B3GALT1: variants seen among roughly 807,000 people sequenced by gnomAD.
B3GALT1 encodes the protein UDP-Gal:betaGlcNAc beta 1,3-galactosyltransferase, polypeptide 1.
Under a neutral mutation model 23.2 loss-of-function variants are expected in B3GALT1, and 10 were observed. The ratio of observed to expected loss-of-function variants is 0.43; its 90% CI spans 0.27 to 0.73. The LOEUF (loss-of-function observed/expected upper bound fraction) is 0.73, where lower values mean the gene tolerates loss of function less well. Ranked by LOEUF, B3GALT1 falls within the 30% of genes least tolerant of loss-of-function variation. B3GALT1 has a pLI of 0.21. For missense variants in B3GALT1, 299 were observed against 405.4 expected (o/e 0.74, Z 2.25); for synonymous variants, 156 against 141.5 (o/e 1.10, Z -0.73).
intron 1 of B3GALT1, among the ~76,000 whole-genome samples, chr2:167,413,861 C>T (rs1320614496): frequency 6.6e-6 from 1 of 151,808 alleles, no homozygotes; most frequent in Admixed American, 6.6e-5. Flanking sequence ...TCTTGGAATA[C>T]TTAAAGTTTT....
chr2:167,306,158 T>C (rs1696549182), intron 1 of B3GALT1, among the ~76,000 whole-genome samples: 1 of 152,062 alleles, frequency 6.6e-6, no homozygotes, highest in Non-Finnish European at 1.5e-5. Context: ...GAATGTATTA[T>C]GTATAATAAA....
At chr2:167,519,853 C>T (rs897709030) in intron 2 of B3GALT1, among the ~76,000 whole-genome samples, 1 of 151,978 alleles carries the variant, frequency 6.6e-6, no homozygotes, top group East Asian at 1.9e-4. Flanking sequence ...AGGTAGATCA[C>T]TTAAGGTTAA....
At chr2:167,312,442 T>C (rs576106250) in intron 1 of B3GALT1, among the ~76,000 whole-genome samples, 1 of 151,862 alleles carries the variant, frequency 6.6e-6, no homozygotes, top group East Asian at 1.9e-4. Context: ...TTAGAGTAAA[T>C]CTAAGGGAGC....
intron 3 of B3GALT1, among the ~76,000 whole-genome samples, chr2:167,797,135 T>A (rs2105336187): frequency 6.6e-6 from 1 of 152,188 alleles, no homozygotes; most frequent in Middle Eastern, 3.4e-3. Context: ...CCTCTTCCTA[T>A]CCCCCAACAG....
In B3GALT1 at chr2:167,810,547, G is replaced by A. The variant is rs528940771; in HGVS notation, c.-351-8125G>A. ...ATCTTTGGGGTTACTGTTGTGCCAA[G>A]TTCAATGAATATAGGCAGCAACAGG... is the stretch of plus-strand genomic sequence containing the variant. On this transcript the variant is annotated intron_variant, in intron 3 of 4. Coordinates refer to ENST00000392690, the MANE Select transcript of B3GALT1 (RefSeq NM_020981.4). 2.0e-4 allele frequency among the ~76,000 whole-genome samples: 30 copies of A among 151,108 alleles called. 1 individual carries two copies. The highest frequency in any genetic ancestry group is 6.6e-4 in the Admixed American group (10 of 15,264).
rs7572820 is a variant in B3GALT1 at position 167,676,827 on chromosome 2, G to A, written c.-352+29861G>A. Among the ~76,000 whole-genome samples, 1,197 of 152,200 alleles carry A rather than the reference G, an allele frequency of 7.9e-3. 4 individuals are homozygous for A. Among genetic ancestry groups the A allele is most frequent in the African/African-American group, 0.014 (581 of 41,524 alleles). On this transcript the variant is annotated intron_variant, in intron 3 of 4. Coordinates refer to ENST00000392690, the MANE Select transcript of B3GALT1 (RefSeq NM_020981.4). ...GATGGGATTACAGGCATGAGCCACC[G>A]CGCCTGGCCCCAATAATTAATATTT...
chr2:167,382,202 T>C (rs1412396051), intron 1 of B3GALT1, among the ~76,000 whole-genome samples: 1 of 152,198 alleles, frequency 6.6e-6, no homozygotes, highest in Non-Finnish European at 1.5e-5. Flanking sequence ...TTCCCTCATG[T>C]GGCAAAACTT....
chr2:167,549,730 G>C (rs1021989348), intron 2 of B3GALT1, among the ~76,000 whole-genome samples: 8 of 152,148 alleles, frequency 5.3e-5, no homozygotes, highest in African/African-American at 1.9e-4. Flanking sequence ...GAGTCTAGAT[G>C]ATTTGAAAAC....
At position 167,471,221 on chromosome 2, in the gene B3GALT1, TA is replaced by T. The variant is rs146767596; in HGVS notation, c.-510-18951del. 3.5e-3 allele frequency among the ~76,000 whole-genome samples: 534 copies of T among 152,288 alleles called. 3 individuals carry two copies. Among genetic ancestry groups the T allele is most frequent in the African/African-American group, 0.013 (522 of 41,568 alleles). On this transcript the variant is annotated intron_variant, in intron 1 of 4. Transcript: ENST00000392690. ...GACCCGTGAATTAATTAGCAGATAG[TA>T]AAAATACGTGCATTTCAAAAATAAA...
chr2:167,647,233 A>T (rs1465596933), intron 3 of B3GALT1, among the ~76,000 whole-genome samples: 1 of 152,216 alleles, frequency 6.6e-6, no homozygotes, highest in Non-Finnish European at 1.5e-5. Flanking sequence ...GCATGTATGC[A>T]CAAATTTTCC....
At chr2:167,610,711 G>A (rs1685048165) in intron 2 of B3GALT1, among the ~76,000 whole-genome samples, 1 of 151,906 alleles carries the variant, frequency 6.6e-6, no homozygotes, top group African/African-American at 2.4e-5. Context: ...TGAAATCTAG[G>A]ATGAGGAACA....
chr2:167,625,563 A>G (rs1482636596), intron 2 of B3GALT1, among the ~76,000 whole-genome samples: 1 of 151,740 alleles, frequency 6.6e-6, no homozygotes, highest in Non-Finnish European at 1.5e-5. Context: ...AAATCAACCC[A>G]CACCCTGATA....
intron 1 of B3GALT1, among the ~76,000 whole-genome samples, chr2:167,415,215 A>T (rs1698450006): frequency 6.6e-6 from 1 of 152,168 alleles, no homozygotes; most frequent in Non-Finnish European, 1.5e-5. Flanking sequence ...TCATGAATGG[A>T]TTAATGGGTT....
chr2:167,299,713 C>A (rs1295738684), intron 1 of B3GALT1, among the ~76,000 whole-genome samples: 2 of 151,816 alleles, frequency 1.3e-5, no homozygotes, highest in East Asian at 3.9e-4. Context: ...CTTTAGCTGA[C>A]TAAAATACAA....
intron 4 of B3GALT1, among the ~76,000 whole-genome samples, chr2:167,861,003 CTCAAA>C (rs1401437767): frequency 6.6e-6 from 1 of 151,974 alleles, no homozygotes; most frequent in Non-Finnish European, 1.5e-5. Context: ...AAATTACTTG[CTCAAA>C]TCAGGAAAAT....
chr2:167,838,209 A>T (rs1689534630), intron 4 of B3GALT1, among the ~76,000 whole-genome samples: 1 of 152,122 alleles, frequency 6.6e-6, no homozygotes, highest in Admixed American at 6.5e-5. Flanking sequence ...AGACACAAAA[A>T]ACCCTTCAAA....
intron 1 of B3GALT1, among the ~76,000 whole-genome samples, chr2:167,422,397 T>TA (rs987652983): frequency 1.3e-5 from 2 of 152,204 alleles, no homozygotes; most frequent in Non-Finnish European, 2.9e-5. Context: ...TTCTGTTGTT[T>TA]AAACCACCCA....
intron 3 of B3GALT1, among the ~76,000 whole-genome samples, chr2:167,809,159 A>G (rs988192071): frequency 3.3e-5 from 5 of 152,142 alleles, no homozygotes; most frequent in South Asian, 2.1e-4. Context: ...ACTTCTCTGC[A>G]TTGGTTATTC....
At chr2:167,668,810 C>T (rs1024207733) in intron 3 of B3GALT1, among the ~76,000 whole-genome samples, 35 of 152,114 alleles carry the variant, frequency 2.3e-4, no homozygotes, top group East Asian at 3.9e-4. Flanking sequence ...CTTCGGCTCG[C>T]GCACGGTGCG....
Sources: allele counts gnomAD v4.1 joint callset (sites outside exome capture counted in the v4.1 genomes callset), GRCh38; gene constraint gnomAD v4.1.1; transcripts MANE v1.5; gene names NCBI Gene and HGNC (gene_info 2026-07-23, HGNC 2026-07-21).